Variants in CYRIB observed in about 807,000 individuals in gnomAD.
The protein encoded by CYRIB is CYFIP-related Rac1 interactor B.
Under a neutral mutation model 44.2 loss-of-function variants are expected in CYRIB, and 8 were observed. The ratio of observed to expected loss-of-function variants is 0.18; its 90% CI spans 0.11 to 0.33. The LOEUF is 0.33. Among genes scored for constraint, CYRIB ranks in the 10% least tolerant of loss-of-function variants. The pLI is 1.00. For missense variants in CYRIB, 185 were observed against 382.8 expected, an observed-to-expected ratio of 0.48 and a Z score of 4.31; for synonymous variants, 131 against 127.2, an observed-to-expected ratio of 1.03 and a Z score of -0.20.
At chr8:129,843,590 T>C (rs1311598039) in intron 11 of CYRIB, among the ~76,000 whole-genome samples, 1 of 152,170 alleles carries the variant, frequency 6.6e-6, no homozygotes, top group Non-Finnish European at 1.5e-5. Context: ...TTTCTAGAGA[T>C]AAGGTCTGGC....
chr8:129,892,188 G>A (rs1414005748), intron 2 of CYRIB, among the ~76,000 whole-genome samples: 1 of 152,186 alleles, frequency 6.6e-6, no homozygotes, highest in Non-Finnish European at 1.5e-5. Flanking sequence ...CAAAGAGTAT[G>A]AGAAGGGCTA....
At chr8:129,983,768 T>C (rs1171259933) in intron 1 of CYRIB, among the ~76,000 whole-genome samples, 1 of 152,220 alleles carries the variant, frequency 6.6e-6, no homozygotes, top group African/African-American at 2.4e-5. Context: ...GAGCACGTCC[T>C]GCGCATCGCC....
At chr8:129,955,476 T>A (rs535359895) in intron 2 of CYRIB, among the ~76,000 whole-genome samples, 1 of 152,172 alleles carries the variant, frequency 6.6e-6, no homozygotes, top group Admixed American at 6.6e-5. Flanking sequence ...AACTCCTACC[T>A]ACACATCGAG....
intron 1 of CYRIB, among the ~76,000 whole-genome samples, chr8:130,013,445 G>C (rs924380968): frequency 6.6e-6 from 1 of 152,236 alleles, no homozygotes; most frequent in Non-Finnish European, 1.5e-5. Flanking sequence ...GGGGCCGAGA[G>C]TGTAGTGACC....
intron 2 of CYRIB, among the ~76,000 whole-genome samples, chr8:129,884,570 G>A (rs1158078737): frequency 1.3e-5 from 2 of 152,180 alleles, no homozygotes; most frequent in South Asian, 4.1e-4. Flanking sequence ...TTACAGGCGT[G>A]AGCCACCAGG....
At chr8:129,848,682 T>C (rs1390693173) in intron 10 of CYRIB, among the ~76,000 whole-genome samples, 1 of 152,046 alleles carries the variant, frequency 6.6e-6, no homozygotes, top group Admixed American at 6.5e-5. Flanking sequence ...ATCCTCCCAC[T>C]TCAGCCTCTC....
At chr8:130,003,887 C>T (rs1412129738) in intron 1 of CYRIB, among the ~76,000 whole-genome samples, 1 of 152,146 alleles carries the variant, frequency 6.6e-6, no homozygotes, top group Non-Finnish European at 1.5e-5. Flanking sequence ...CCCAGGAGGC[C>T]GAAGCCCTTT....
rs371853953 is a variant in CYRIB, at chr8:129,972,365, G to A, written c.-295-1370C>T. Among the ~76,000 whole-genome samples the A allele has an allele frequency of 6.1e-4, 93 of 152,254 alleles. 2 individuals are homozygous for A. The highest frequency in any genetic ancestry group is 2.1e-3 in the African/African-American group (88 of 41,534). ...TAATCCTAACATTTTAGGAGGCTGA[G>A]GTGGGAGGATCACTTGAGCCCAGTA... On this transcript the variant is annotated intron_variant, in intron 1 of 14. Transcript: ENST00000401979.
At chr8:129,945,159 A>T (rs544572936) in intron 2 of CYRIB, among the ~76,000 whole-genome samples, 14 of 152,258 alleles carry the variant, frequency 9.2e-5, no homozygotes, top group African/African-American at 1.9e-4. Context: ...AAAAATGCGG[A>T]ACTATGGAAA....
At chr8:130,012,587 T>A (rs2097251966) in intron 1 of CYRIB, among the ~76,000 whole-genome samples, 2 of 152,162 alleles carry the variant, frequency 1.3e-5, no homozygotes, top group South Asian at 4.1e-4. Flanking sequence ...GGGTTGATCG[T>A]CACAGCAACA....
chr8:129,930,365 T>TTATATATATATATATAGATATATATATA (rs1554659983), intron 1 of CYRIB, among the ~76,000 whole-genome samples: 1 of 50,438 alleles, frequency 2.0e-5, no homozygotes, highest in African/African-American at 6.9e-5. Context: ...TGTGAAGTGC[T>TTATATATATATATATAGATATATATATA]TATATATATA....
chr8:129,988,953 T>C lies in CYRIB; in HGVS notation c.-295-17958A>G, dbSNP rs556144675. The stretch of plus-strand genomic sequence containing the variant: ...AAAATAGACCCTGGAGATCTTCTAG[T>C]ACAACCTTCCCATTTTACAGAAATG... On this transcript the variant is annotated intron_variant, in intron 1 of 14. Transcript: ENST00000401979. 4.6e-5 allele frequency among the ~76,000 whole-genome samples: 7 copies of C among 152,290 alleles called. No homozygotes were observed. In the South Asian group the frequency reaches 1.5e-3, roughly 32 times the overall value.
chr8:129,978,899 G>A (rs2096077620), intron 1 of CYRIB, among the ~76,000 whole-genome samples: 1 of 152,144 alleles, frequency 6.6e-6, no homozygotes, highest in African/African-American at 2.4e-5. Context: ...ACTTTGGGAG[G>A]CCAAGGCGGG....
intron 2 of CYRIB, among the ~76,000 whole-genome samples, chr8:129,959,132 T>A (rs7824928): frequency 0.03 from 4,473 of 149,454 alleles, 236 homozygotes; most frequent in African/African-American, 0.11. Context: ...TGAAAAGCAG[T>A]AACTACTCCC....
rs550955703 is a variant in CYRIB at position 129,936,775 on chromosome 8, T to C, written c.-50+2833A>G. Among the ~76,000 whole-genome samples, 68 of 150,354 alleles carry C rather than the reference T, an allele frequency of 4.5e-4. No homozygotes were observed. The South Asian group carries it at 9.9e-3, about 22-fold the overall frequency. ...AGGCTGGAGTGCAGTGGCGAGATCT[T>C]GGTTCACTGCAAGCTCCGCCTCCCG... On this transcript the variant is annotated intron_variant, in intron 1 of 11. Coordinates refer to ENST00000519824, the Ensembl canonical transcript of CYRIB.
chr8:130,011,633 C>T (rs559660728), intron 1 of CYRIB, among the ~76,000 whole-genome samples: 3 of 150,964 alleles, frequency 2.0e-5, no homozygotes, highest in Non-Finnish European at 4.4e-5. Flanking sequence ...CTAGCAAACA[C>T]GGTAAAACCC....
intron 1 of CYRIB, among the ~76,000 whole-genome samples, chr8:129,976,903 G>A (rs760673895): frequency 1.4e-4 from 22 of 152,014 alleles, no homozygotes; most frequent in Non-Finnish European, 2.9e-4. Flanking sequence ...GTGCAATGGC[G>A]CAATCTCTGC....
chr8:129,874,523 C>T (rs1336954389), intron 3 of CYRIB, among the ~76,000 whole-genome samples: 1 of 151,990 alleles, frequency 6.6e-6, no homozygotes, highest in East Asian at 1.9e-4. Context: ...CTTAATAAAC[C>T]TACGCAATCT....
Position 129,895,116 on chromosome 8 carries a change from TGGGGTG to T in CYRIB, c.-11+8190_-11+8195del, listed in dbSNP as rs1159386063. Among the ~76,000 whole-genome samples, 55 of 7,588 alleles carry T rather than the reference TGGGGTG, an allele frequency of 7.2e-3. No homozygotes were observed. In the East Asian group the frequency reaches 0.11, roughly 15 times the overall value. The allele number at this position is 7,588 out of a possible 152,430, so 5.0% of individuals were successfully genotyped here. A position where few individuals can be genotyped will look rare whatever the true frequency, so the allele number is the denominator to read the frequency against. ...TCATGCTAGTGTGTGTCGGCGGGGT[TGGGGTG>T]GGGGTGGGGGTGGGGGTGGGGGCAG... is the stretch of plus-strand genomic sequence containing the variant. On this transcript the variant is annotated intron_variant, in intron 2 of 11. Coordinates refer to ENST00000519824, the Ensembl canonical transcript of CYRIB.
Sources: allele counts gnomAD v4.1 joint callset (sites outside exome capture counted in the v4.1 genomes callset), GRCh38; gene constraint gnomAD v4.1.1; transcripts MANE v1.5; gene names NCBI Gene and HGNC (gene_info 2026-07-23, HGNC 2026-07-21).